MYO15A: variants seen among roughly 807,000 people sequenced by gnomAD.
MYO15A encodes myosin XVA, also known as unconventional myosin-XV.
MYO15A carries 308 observed loss-of-function variants against 394.6 expected under a neutral mutation model. The observed-to-expected ratio is 0.78, with a 90% CI of 0.71 to 0.86. The LOEUF (loss-of-function observed/expected upper bound fraction) is 0.86. Among genes scored for constraint, MYO15A ranks in the 40% least tolerant of loss-of-function variants. MYO15A has a pLI of 0.00. For missense variants in MYO15A, 4,606 were observed against 4,799.1 expected (o/e 0.96, Z 1.19); for synonymous variants, 1,957 against 2,003.8 (o/e 0.98, Z 0.62).
chr17:18,128,909 T>G (rs999738181), intron 7 of MYO15A, among the ~76,000 whole-genome samples: 7 of 152,110 alleles, frequency 4.6e-5, no homozygotes, highest in African/African-American at 1.7e-4. Flanking sequence ...ACAGAATGTG[T>G]GAGGATGTGC....
At chr17:18,135,489 A>G (rs546770761) in intron 12 of MYO15A, among the ~76,000 whole-genome samples, 35 of 152,060 alleles carry the variant, frequency 2.3e-4, no homozygotes, top group Middle Eastern at 3.4e-3. Flanking sequence ...TTACAGGCAT[A>G]CGCCACCACA....
Position 18,154,712 on chromosome 17 carries a change from T to G in MYO15A, c.8181T>G (p.Leu2727=). The part of the protein sequence containing the change: ...ILHDTLSEAC[L]RISEDERLRM... ...ACGACACGCTCTCCGAGGCCTGCCT[T>G]CGCATCTCTGAGGATGAGAGGCTCA... is the stretch of plus-strand genomic sequence containing the variant. The change falls in exon 45 of 66, where the codon CTT becomes CTG. Residue 2727 remains leucine, a synonymous_variant. Coordinates refer to ENST00000647165, the MANE Select transcript of MYO15A (RefSeq NM_016239.4). The G allele has an allele frequency of 6.2e-7, 1 of 1,613,730 alleles. No homozygotes were observed. The highest frequency in any genetic ancestry group is 1.1e-5 in the South Asian group (1 of 91,086).
At position 18,133,271 on chromosome 17, in the gene MYO15A, G is replaced by T; in HGVS notation, c.4367G>T (p.Arg1456Leu). 6.2e-7 allele frequency: 1 copy of T among 1,614,136 alleles called. No homozygotes were observed. The highest frequency in any genetic ancestry group is 8.5e-7 in the Non-Finnish European group (1 of 1,180,014). The change falls in exon 12 of 66, where the codon CGC (arginine) becomes CTC (leucine). Residue 1456 changes from arginine to leucine, a missense_variant. Physicochemically the swap from Arg to Leu is moderately radical, Grantham distance 102 (BLOSUM62 -2). Transcript: ENST00000647165. ...GGAAAGAGCGATGCAGATGACTTTC[G>T]CCGGCTCCTGGCTGCCATGGAGGTG... is the stretch of plus-strand genomic sequence containing the variant. ...IAGKSDADDF[R>L]RLLAAMEVLG...
chr17:18,124,532 G>T lies in MYO15A; in HGVS notation c.3659G>T (p.Gly1220Val). ...TCCATGCGGTTCCGTGAGCAGCACG[G>T]GGAGGATGGTGTGGAGGACATGACA... ...LPSMRFREQH[G>V]EDGVEDMTQL... Residue 1220 changes from glycine to valine, a missense_variant, in exon 3 of 66, where the codon GGG (glycine) becomes GTG (valine). Gly to Val is a moderately radical substitution (Grantham distance 109, BLOSUM62 -3). Transcript: ENST00000647165. The T allele has an allele frequency of 6.2e-7, 1 of 1,613,252 alleles. No individual in the cohort carries two copies. Among genetic ancestry groups the T allele is most frequent in the East Asian group, 2.2e-5 (1 of 44,880 alleles).
In MYO15A at chr17:18,140,773, C is replaced by A. The variant is rs1272333672; in HGVS notation, c.5361-14C>A. On this transcript the variant is annotated splice_polypyrimidine_tract_variant and intron_variant, in intron 20 of 65. Transcript: ENST00000647165. ...TTCTGAGGCCTCATGCTGTCCTCTT[C>A]CTGCCACTGCCAGGTGCAACCCCTT... 6.2e-7 allele frequency: 1 copy of A among 1,614,084 alleles called. No homozygotes were observed. The highest frequency in any genetic ancestry group is 1.3e-5 in the African/African-American group (1 of 74,932).
Position 18,131,547 on chromosome 17 carries a change from C to A in MYO15A, c.4206+16C>A. 1 of 1,613,844 alleles carries A rather than the reference C, an allele frequency of 6.2e-7. No homozygotes were observed. Among genetic ancestry groups the A allele is most frequent in the East Asian group, 2.2e-5 (1 of 44,868 alleles). ...CGTGTTTCAGGTGGGCCACCCCCTC[C>A]CAGGCCTCTGTGTTGGGCAGGGTCG... On this transcript the variant is annotated intron_variant, in intron 10 of 65. Transcript: ENST00000647165.
At position 18,147,776 on chromosome 17, in the gene MYO15A, G is replaced by A. The variant is rs575327326; in HGVS notation, c.6510-253G>A. Among the ~76,000 whole-genome samples, 19 of 152,038 alleles carry A rather than the reference G, an allele frequency of 1.2e-4. No homozygotes were observed. The highest frequency in any genetic ancestry group is 4.2e-4 in the South Asian group (2 of 4,812). ...AGCCTGGGACCCTTTCAGTTTAGCC[G>A]TGGGACTCTAAACTACCCTGAGATC... is the stretch of plus-strand genomic sequence containing the variant. On this transcript the variant is annotated intron_variant, in intron 30 of 65. Transcript: ENST00000647165. The surrounding 1 kb of genome is among the most constrained non-coding windows in gnomAD (Gnocchi z 4.4).
At position 18,132,504 on chromosome 17, in the gene MYO15A, C is replaced by T; in HGVS notation, c.4258C>T (p.Pro1420Ser). ...HIFYELLAGL[P>S]AQLRQAFSLQ... ...CTTCTACGAGTTGCTGGCCGGGTTG[C>T]CTGCCCAGCTCAGGCAGGCCTTTAG... is the stretch of plus-strand genomic sequence containing the variant. Residue 1420 changes from proline (P) to serine (S), a missense_variant, in exon 11 of 66, where the codon CCT becomes TCT. Transcript: ENST00000647165. This position sits in a 1 kb window ranked among gnomAD's most constrained non-coding sequence, Gnocchi z 4.6. 1 of 1,613,902 alleles carries T rather than the reference C, an allele frequency of 6.2e-7. No individual in the cohort carries two copies. The highest frequency in any genetic ancestry group is 8.5e-7 in the Non-Finnish European group (1 of 1,180,044).
At position 18,147,291 on chromosome 17, in the gene MYO15A, G is replaced by C. The variant is rs1249538571; in HGVS notation, c.6510-738G>C. Among the ~76,000 whole-genome samples, 1 of 152,234 alleles carries C rather than the reference G, an allele frequency of 6.6e-6. No individual in the cohort carries two copies. On this transcript the variant is annotated intron_variant, in intron 30 of 65. Coordinates refer to ENST00000647165, the MANE Select transcript of MYO15A (RefSeq NM_016239.4). The surrounding 1 kb of genome is among the most constrained non-coding windows in gnomAD (Gnocchi z 4.4). ...TGCTTAGGCCAGCATGCAGCAAATG[G>C]ACATCACCTGGCCAGTCTTGTGACT...
intron 54 of MYO15A, 40 bp from the exon 55 acceptor site, chr17:18,159,566 G>A (rs374171472): frequency 3.5e-5 from 57 of 1,609,658 alleles, no homozygotes; most frequent in Admixed American, 8.3e-5. Context: ...TGGGCAACTG[G>A]GGGTTTGGTG....
Position 18,151,398 on chromosome 17 carries a change from C to T in MYO15A, c.7658C>T (p.Ser2553Leu). 1 of 1,614,212 alleles carries T rather than the reference C, an allele frequency of 6.2e-7. No homozygotes were observed. Among genetic ancestry groups the T allele is most frequent in the Non-Finnish European group, 8.5e-7 (1 of 1,180,030 alleles). Reference sequence around the variant, plus strand: ...CCACCGCGCCCCTTGCCCACAGCTTCACCCTCCCCAGAGCTGGTCCGGTAC... The same window carrying T: ...CCACCGCGCCCCTTGCCCACAGCTTTACCCTCCCCAGAGCTGGTCCGGTAC... ...AQDQASPETT[S>L]PSPELVRYST... Residue 2553 changes from serine (S) to leucine (L), a missense_variant, in exon 40 of 66, where the codon TCA (serine) becomes TTA (leucine). This residue lies in a region of MYO15A where 2,776 missense variants were observed against 3,109.3 expected (regional missense o/e 0.89). Transcript: ENST00000647165.
intron 65 of MYO15A, chr17:18,178,370 G>GAAA: frequency 7.3e-6 from 2 of 274,276 alleles, no homozygotes; most frequent in South Asian, 3.4e-5. Context: ...CTCCATCTAG[G>GAAA]AAAAAAAAAA....
intron 9 of MYO15A, 40 bp from the exon 10 acceptor site, chr17:18,131,428 T>A (rs773977777): frequency 6.2e-7 from 1 of 1,613,144 alleles, no homozygotes; most frequent in Non-Finnish European, 8.5e-7. Flanking sequence ...ACACCAGCCC[T>A]CCTACCCTCA....
rs751486680 is a variant in MYO15A, at chr17:18,167,587, C to T, written c.9949-3C>T. 7 of 1,601,782 alleles carry T rather than the reference C, an allele frequency of 4.4e-6. No homozygotes were observed. The highest frequency in any genetic ancestry group is 4.2e-6 in the Non-Finnish European group (5 of 1,179,864). On this transcript the variant is annotated splice_polypyrimidine_tract_variant and splice_region_variant and intron_variant, in intron 61 of 65. Transcript: ENST00000647165. ...CAGCCCCTCACCCAGGTGCTCCCTGCAGGTCCTGCCTGACTACCTGAAGGG... is the reference window on the plus strand; with the variant it reads ...CAGCCCCTCACCCAGGTGCTCCCTGTAGGTCCTGCCTGACTACCTGAAGGG...
At position 18,118,642 on chromosome 17, in the gene MYO15A, C is replaced by A. The variant is rs2045828234; in HGVS notation, c.-159C>A. The A allele has an allele frequency of 2.8e-6, 3 of 1,085,902 alleles. No individual in the cohort carries two copies. Among genetic ancestry groups the A allele is most frequent in the Admixed American group, 2.6e-5 (1 of 38,314 alleles). The allele number at this position is 1,085,902 out of a possible 1,614,324, so 67.3% of individuals were successfully genotyped here. ...TGGATCCGCCCTCCCGGAATCCTGG[C>A]TCGGCCCTCCCCACGCCACCCAGGG... is the stretch of plus-strand genomic sequence containing the variant. On this transcript the variant is annotated 5_prime_UTR_variant, in exon 2 of 66. Transcript: ENST00000647165.
intron 54 of MYO15A, 102 bp from the exon 55 acceptor site, chr17:18,159,504 T>C: frequency 1.3e-6 from 2 of 1,500,012 alleles, no homozygotes. Context: ...CCCAGCTGCC[T>C]GTGGCCAAGG....
At chr17:18,133,495 G>A (rs919563056) in intron 12 of MYO15A, 109 bp downstream of exon 12, 10 of 1,400,370 alleles carry the variant, frequency 7.1e-6, no homozygotes, top group Middle Eastern at 2.3e-4. Flanking sequence ...CATATCACTT[G>A]TTCCTGTTTT....
At chr17:18,163,125 G>A (rs2046800212) in intron 58 of MYO15A, 119 bp from the exon 59 acceptor site, 1 of 1,071,594 alleles carries the variant, frequency 9.3e-7, no homozygotes, top group Non-Finnish European at 1.4e-6. Flanking sequence ...AGGTGCTCAA[G>A]TGTTCCTACA....
At chr17:18,154,060 G>C in intron 43 of MYO15A, 71 bp from the exon 44 acceptor site, 2 of 1,607,064 alleles carry the variant, frequency 1.2e-6, no homozygotes, top group Middle Eastern at 1.7e-4. Flanking sequence ...CTGCATTTAG[G>C]GGGCGGGGCC....
Sources: gnomAD v4.1 joint callset for allele counts (sites outside exome capture counted in the v4.1 genomes callset) on GRCh38, gnomAD v4.1.1 for gene constraint, gnomAD v4.1.1 regional missense constraint, Gnocchi (gnomAD v3.1) non-coding constraint, MANE v1.5 for transcripts, NCBI Gene and HGNC (gene_info 2026-07-23, HGNC 2026-07-21) for gene names.